Variants in RNPEP observed in about 807,000 individuals in gnomAD.
RNPEP encodes the protein arginyl aminopeptidase.
A neutral mutation model predicts 70.1 loss-of-function variants in RNPEP; 57 were observed. That is an observed-to-expected ratio of 0.81 (90% CI 0.66 to 1.01). The LOEUF is 1.01. Ranked by LOEUF, RNPEP falls within the 50% of genes least tolerant of loss-of-function variation. RNPEP has a pLI of 0.00. For missense variants in RNPEP, 787 were observed against 852.4 expected (o/e 0.92, Z 0.96); for synonymous variants, 335 against 357.4 (o/e 0.94, Z 0.71).
chr1:201,988,119 G>A (rs959530314), intron 1 of RNPEP, among the ~76,000 whole-genome samples: 2 of 148,930 alleles, frequency 1.3e-5, no homozygotes, highest in Admixed American at 6.7e-5. Flanking sequence ...CAGCCTGGGC[G>A]ACAAGAGTGA....
chr1:201,988,329 G>A lies in RNPEP; in HGVS notation c.448-575G>A, dbSNP rs553159757. On this transcript the variant is annotated intron_variant, in intron 1 of 10. Transcript: ENST00000295640. ...AAATTAGCTGGACTTGGTGGTGCACGCGCCTGTGGTCCCAGCTACTTGGGA... is the reference window on the plus strand; with the variant it reads ...AAATTAGCTGGACTTGGTGGTGCACACGCCTGTGGTCCCAGCTACTTGGGA... 1.2e-4 allele frequency among the ~76,000 whole-genome samples: 17 copies of A among 147,484 alleles called. No individual in the cohort carries two copies. In the South Asian group the frequency reaches 2.4e-3, roughly 21 times the overall value.
intron 9 of RNPEP, among the ~76,000 whole-genome samples, chr1:202,003,762 G>A (rs1683934461): frequency 6.6e-6 from 1 of 152,154 alleles, no homozygotes; most frequent in South Asian, 2.1e-4. Flanking sequence ...TCCTGCAGGC[G>A]ACTCTTGTAA....
At chr1:201,986,536 C>CTTTCT (rs1553303391) in intron 1 of RNPEP, among the ~76,000 whole-genome samples, 32,126 of 80,254 alleles carry the variant, frequency 0.4, 4,185 homozygotes, top group East Asian at 0.51. Flanking sequence ...CATTTTCTTT[C>CTTTCT]TTTTTTTTTT....
chr1:201,982,919 T>C lies in RNPEP; in HGVS notation c.253T>C (p.Cys85Arg). ...CGAGCTGCGGCTGGACTCGCACCCG[T>C]GCCTGGAGGTGACGGCGGCGGCGCT... ...AAELRLDSHP[C>R]LEVTAAALRR... Residue 85 changes from cysteine to arginine, a missense_variant, in exon 1 of 11, where the codon TGC (cysteine) becomes CGC (arginine). Transcript: ENST00000295640. The C allele has an allele frequency of 6.8e-7, 1 of 1,480,956 alleles. No homozygotes were observed. The highest frequency in any genetic ancestry group is 8.9e-7 in the Non-Finnish European group (1 of 1,119,356). The allele number at this position is 1,480,956 out of a possible 1,614,324, so 91.7% of individuals were successfully genotyped here.
At position 202,005,902 on chromosome 1, in the gene RNPEP, C is replaced by A. The variant is rs891456564; in HGVS notation, c.*186C>A. On this transcript the variant is annotated 3_prime_UTR_variant, in exon 11 of 11. Transcript: ENST00000295640. ...TGGTGGGAACTTACTTCTCTATAGC[C>A]CACTGAGCCCCGAGACAGAGAACCT... The A allele has an allele frequency of 1.9e-4, 125 of 666,448 alleles. No individual in the cohort carries two copies. Among genetic ancestry groups the A allele is most frequent in the Non-Finnish European group, 3.5e-5 (14 of 403,124 alleles). The allele number at this position is 666,448 out of a possible 1,614,324, so 41.3% of individuals were successfully genotyped here.
At chr1:202,005,193 G>A (rs1055428344) in intron 10 of RNPEP, among the ~76,000 whole-genome samples, 1 of 152,154 alleles carries the variant, frequency 6.6e-6, no homozygotes, top group African/African-American at 2.4e-5. Flanking sequence ...GACCGTATGC[G>A]GCTGTGAGCT....
chr1:201,983,418 G>T (rs1384029269), intron 1 of RNPEP: 39 of 1,476,172 alleles, frequency 2.6e-5, no homozygotes, highest in Non-Finnish European at 3.5e-5. Flanking sequence ...CCGCATTCCC[G>T]CTCATCGCAC....
chr1:201,993,963 T>A (rs2102970846), intron 3 of RNPEP, among the ~76,000 whole-genome samples: 1 of 135,596 alleles, frequency 7.4e-6, no homozygotes, highest in Non-Finnish European at 1.6e-5. Context: ...CCCCCACCCT[T>A]GCCATGCCGT....
At chr1:201,988,078 T>G (rs1683193964) in intron 1 of RNPEP, among the ~76,000 whole-genome samples, 1 of 150,592 alleles carries the variant, frequency 6.6e-6, no homozygotes, top group South Asian at 2.1e-4. Context: ...AGGCGGAGAC[T>G]GCAGTGAGCT....
At chr1:202,004,269 C>G in intron 9 of RNPEP, 85 bp from the exon 10 acceptor site, 1 of 1,454,860 alleles carries the variant, frequency 6.9e-7, no homozygotes, top group Non-Finnish European at 9.5e-7. Context: ...CTCAAGTGAT[C>G]CGCCCACCTC....
intron 3 of RNPEP, among the ~76,000 whole-genome samples, chr1:201,990,650 TA>T (rs11357162): frequency 0.14 from 21,933 of 152,136 alleles, 1,684 homozygotes; most frequent in Admixed American, 0.2. Context: ...GCACTGCTGG[TA>T]TCATGAGTCT....
intron 8 of RNPEP, among the ~76,000 whole-genome samples, chr1:202,002,431 G>A (rs1017572830): frequency 6.6e-5 from 10 of 152,178 alleles, no homozygotes; most frequent in African/African-American, 2.4e-4. Context: ...CAAAGTGCTG[G>A]GATTACAGGC....
chr1:202,001,456 G>C lies in RNPEP; in HGVS notation c.1285G>C (p.Gly429Arg), dbSNP rs1455541232. The C allele has an allele frequency of 6.2e-7, 1 of 1,613,424 alleles. No individual in the cohort carries two copies. Among genetic ancestry groups the C allele is most frequent in the Admixed American group, 1.7e-5 (1 of 59,992 alleles). The stretch of plus-strand genomic sequence containing the variant: ...TGTTTCATACCTGGCCCACTTGGTG[G>C]GTGATCAGGATCAGTTTGACAGTTT... ...CFVSYLAHLVGDQDQFDSFLK... is the reference protein window; with the variant it reads ...CFVSYLAHLVRDQDQFDSFLK... Residue 429 changes from glycine (G) to arginine (R), a missense_variant, in exon 7 of 11, where the codon GGT (glycine) becomes CGT (arginine). Gly to Arg is a moderately radical substitution (Grantham distance 125). Coordinates refer to ENST00000295640, the MANE Select transcript of RNPEP (RefSeq NM_020216.4).
At chr1:201,984,658 G>A (rs1262732464) in intron 1 of RNPEP, among the ~76,000 whole-genome samples, 2 of 152,098 alleles carry the variant, frequency 1.3e-5, no homozygotes, top group African/African-American at 4.8e-5. Context: ...AGCAATTTTG[G>A]TGGAGGGGGG....
rs1215885427 is a variant in RNPEP at position 201,982,695 on chromosome 1, G to C, written c.29G>C (p.Ser10Thr). 7.2e-7 allele frequency: 1 copy of C among 1,395,222 alleles called. No homozygotes were observed. The highest frequency in any genetic ancestry group is 3.1e-5 in the East Asian group (1 of 32,124). The allele number at this position is 1,395,222 out of a possible 1,614,324, so 86.4% of individuals were successfully genotyped here. MASGEHSPG[S>T]GAARRPLHSA... ...GCGAGCGGCGAGCATTCCCCCGGCA[G>C]CGGCGCGGCCCGGCGGCCGCTGCAC... The change falls in exon 1 of 11, where the codon AGC (serine) becomes ACC (threonine). Residue 10 changes from serine to threonine, a missense_variant. Transcript: ENST00000295640.
At chr1:201,994,289 G>T (rs1159262121) in intron 3 of RNPEP, among the ~76,000 whole-genome samples, 1 of 152,142 alleles carries the variant, frequency 6.6e-6, no homozygotes, top group Non-Finnish European at 1.5e-5. Flanking sequence ...CTGCAGCCAG[G>T]ATGATATCTT....
At chr1:201,984,741 T>G (rs1272228536) in intron 1 of RNPEP, among the ~76,000 whole-genome samples, 1 of 152,058 alleles carries the variant, frequency 6.6e-6, no homozygotes, top group African/African-American at 2.4e-5. Flanking sequence ...TGAGTTGTCT[T>G]TCCATAAGTG....
At position 201,982,873 on chromosome 1, in the gene RNPEP, C is replaced by G; in HGVS notation, c.207C>G (p.Cys69Trp). 7.1e-7 allele frequency: 1 copy of G among 1,401,054 alleles called. No homozygotes were observed. The highest frequency in any genetic ancestry group is 1.5e-5 in the African/African-American group (1 of 65,726). 86.8% of individuals were successfully genotyped at this position (1,401,054 alleles called of 1,614,324 possible). A position where few individuals can be genotyped will look rare whatever the true frequency, so the allele number is the denominator to read the frequency against. ...GCACCGCGGTCCTGGACCTGCGCTGCCTGGAGCCCGAGGGCGCCGCCGAGC... is the reference window on the plus strand; with the variant it reads ...GCACCGCGGTCCTGGACCTGCGCTGGCTGGAGCCCGAGGGCGCCGCCGAGC... ...LSGTAVLDLR[C>W]LEPEGAAELR... The change falls in exon 1 of 11, where the codon TGC becomes TGG. Residue 69 changes from cysteine to tryptophan, a missense_variant. By Grantham distance (215) the Cys-to-Trp change is radical. Transcript: ENST00000295640.
chr1:202,005,584 G>C lies in RNPEP; in HGVS notation c.1821G>C (p.Leu607=), dbSNP rs12712. The change falls in exon 11 of 11, where the codon CTG becomes CTC. Residue 607 remains leucine (L), a synonymous_variant. Transcript: ENST00000295640. Reference sequence around the variant, plus strand: ...GGAAGCAGAAGTATACACTTCCGCTGTACCACGCAATGATGGGTGGCAGTG... The same window carrying C: ...GGAAGCAGAAGTATACACTTCCGCTCTACCACGCAATGATGGGTGGCAGTG... ...NQGKQKYTLP[L]YHAMMGGSEV... The C allele has an allele frequency of 0.065, 105,380 of 1,614,124 alleles. 3,772 individuals are homozygous for C. The highest frequency in any genetic ancestry group is 0.082 in the South Asian group (7,435 of 91,082).
Sources: gnomAD v4.1 joint callset for allele counts (sites outside exome capture counted in the v4.1 genomes callset) on GRCh38, gnomAD v4.1.1 for gene constraint, MANE v1.5 for transcripts, NCBI Gene and HGNC (gene_info 2026-07-23, HGNC 2026-07-21) for gene names.